The following LIPC variants were observed in gnomAD, a reference collection of about 807,000 sequenced individuals.
LIPC encodes the protein lipase C, hepatic type, also known as hepatic triacylglycerol lipase.
Under a neutral mutation model 50.7 loss-of-function variants are expected in LIPC, and 44 were observed. The observed-to-expected ratio is 0.87, with a 90% CI of 0.68 to 1.11. The LOEUF (loss-of-function observed/expected upper bound fraction) is 1.11. LIPC is among the 50% of genes most tolerant of loss of function. The pLI is 0.00. For missense variants in LIPC, 697 were observed against 648.2 expected (o/e 1.08, Z -0.82); for synonymous variants, 271 against 256.4 (o/e 1.06, Z -0.54).
intron 1 of LIPC, among the ~76,000 whole-genome samples, chr15:58,490,335 A>G (rs1466105941): frequency 6.6e-6 from 1 of 152,188 alleles, no homozygotes; most frequent in Non-Finnish European, 1.5e-5. Context: ...CTGCCAGGAA[A>G]GAAAGAACGT....
At chr15:58,559,729 A>C (rs1894093315) in intron 6 of LIPC, among the ~76,000 whole-genome samples, 2 of 150,472 alleles carry the variant, frequency 1.3e-5, no homozygotes, top group Non-Finnish European at 3.0e-5. Flanking sequence ...AAAAAAACCC[A>C]AAACAAAAAC....
intron 1 of LIPC, among the ~76,000 whole-genome samples, chr15:58,535,509 A>G (rs905239808): frequency 3.3e-5 from 5 of 152,216 alleles, no homozygotes; most frequent in Non-Finnish European, 7.3e-5. Flanking sequence ...GTCTCTCCTG[A>G]ACAGCCTCGA....
intron 6 of LIPC, among the ~76,000 whole-genome samples, chr15:58,559,095 C>T (rs748876111): frequency 9.7e-4 from 147 of 152,272 alleles, no homozygotes; most frequent in African/African-American, 3.1e-3. Context: ...TACCAACCTC[C>T]GGTAGAAATA....
chr15:58,464,153 C>T lies in LIPC; in HGVS notation c.88+32033C>T, dbSNP rs1358497127. 2.6e-5 allele frequency among the ~76,000 whole-genome samples: 4 copies of T among 152,102 alleles called. No individual in the cohort carries two copies. In the East Asian group the frequency reaches 7.7e-4, roughly 29 times the overall value. The stretch of plus-strand genomic sequence containing the variant: ...AAAGGAGCATGCACCTGTCACCCTC[C>T]CAACCCCCTCTATACTTGCCCCTTT... On this transcript the variant is annotated intron_variant, in intron 1 of 8. Transcript: ENST00000299022.
chr15:58,488,899 G>T (rs1405422481), intron 1 of LIPC, among the ~76,000 whole-genome samples: 2 of 152,110 alleles, frequency 1.3e-5, no homozygotes, highest in African/African-American at 4.8e-5. Context: ...TGGGAGTTCT[G>T]GTTTAATCAC....
At chr15:58,487,020 T>G (rs558555582) in intron 1 of LIPC, among the ~76,000 whole-genome samples, 2 of 152,202 alleles carry the variant, frequency 1.3e-5, no homozygotes, top group Non-Finnish European at 2.9e-5. Flanking sequence ...TACCTCACAC[T>G]GTGCTAGGAT....
intron 1 of LIPC, among the ~76,000 whole-genome samples, chr15:58,530,012 G>A (rs1255729026): frequency 2.6e-5 from 4 of 152,262 alleles, no homozygotes; most frequent in African/African-American, 7.2e-5. Context: ...TCCACTTGGT[G>A]TGGTAAAACG....
intron 6 of LIPC, among the ~76,000 whole-genome samples, chr15:58,550,190 C>G (rs1176716444): frequency 6.6e-6 from 1 of 152,078 alleles, no homozygotes; most frequent in Admixed American, 6.5e-5. Flanking sequence ...AAACCTGCCG[C>G]TGGTCTGTTT....
intron 2 of LIPC, among the ~76,000 whole-genome samples, chr15:58,541,434 T>G (rs16940468): frequency 1.1e-3 from 170 of 151,720 alleles, no homozygotes; most frequent in African/African-American, 4.0e-3. Flanking sequence ...CTCCACTGTT[T>G]TAAGGTTTAG....
chr15:58,480,217 C>G (rs1236943285), intron 1 of LIPC, among the ~76,000 whole-genome samples: 6 of 152,164 alleles, frequency 3.9e-5, no homozygotes, highest in Non-Finnish European at 7.4e-5. Flanking sequence ...AAGACCACAC[C>G]AACTAGAAGT....
rs374595326 is a variant in LIPC at position 58,535,259 on chromosome 15, C to T, written c.89-3074C>T. On this transcript the variant is annotated intron_variant, in intron 1 of 8. Transcript: ENST00000299022. Reference sequence around the variant, plus strand: ...TGGGGCTGGGGACTCCTGAAAGGAGCCACATGCTGTCTTTGCCTCCAACTA... The same window carrying T: ...TGGGGCTGGGGACTCCTGAAAGGAGTCACATGCTGTCTTTGCCTCCAACTA... Among the ~76,000 whole-genome samples, 395 of 152,370 alleles carry T rather than the reference C, an allele frequency of 2.6e-3. 3 individuals are homozygous for T. The highest frequency in any genetic ancestry group is 9.0e-3 in the African/African-American group (373 of 41,586).
intron 1 of LIPC, chr15:58,473,967 C>CT (rs1170519468): frequency 1.3e-5 from 2 of 152,252 alleles, no homozygotes; most frequent in African/African-American, 2.4e-5. Flanking sequence ...AACTCCCCAC[C>CT]TTTTTTATTA....
intron 1 of LIPC, among the ~76,000 whole-genome samples, chr15:58,462,449 G>T (rs1424219510): frequency 6.6e-6 from 1 of 152,138 alleles, no homozygotes; most frequent in Non-Finnish European, 1.5e-5. Context: ...GCACCTTTTT[G>T]AAGAGTTGGT....
At chr15:58,478,302 A>T (rs771985428) in intron 1 of LIPC, among the ~76,000 whole-genome samples, 1 of 152,174 alleles carries the variant, frequency 6.6e-6, no homozygotes, top group Non-Finnish European at 1.5e-5. Flanking sequence ...GCAGTGGCAT[A>T]ATCTCGGCTC....
chr15:58,539,318 G>A (rs1351888660), intron 2 of LIPC, among the ~76,000 whole-genome samples: 1 of 152,192 alleles, frequency 6.6e-6, no homozygotes, highest in Admixed American at 6.5e-5. Flanking sequence ...CAGAGCCTCT[G>A]TGAAATTCTC....
chr15:58,482,009 G>A (rs1343834764), intron 1 of LIPC, among the ~76,000 whole-genome samples: 1 of 152,172 alleles, frequency 6.6e-6, no homozygotes, highest in African/African-American at 2.4e-5. Flanking sequence ...AGAGCCTGGG[G>A]TCAGAAGCAG....
chr15:58,513,713 C>A (rs1298582982), intron 1 of LIPC, among the ~76,000 whole-genome samples: 2 of 152,168 alleles, frequency 1.3e-5, no homozygotes, highest in African/African-American at 4.8e-5. Context: ...CACACTGCCT[C>A]AAAGCAACTC....
At chr15:58,480,928 G>A (rs1566923166) in intron 1 of LIPC, among the ~76,000 whole-genome samples, 1 of 152,056 alleles carries the variant, frequency 6.6e-6, no homozygotes, top group Non-Finnish European at 1.5e-5. Flanking sequence ...TCGGAGGCAG[G>A]TCCAGAGACT....
At chr15:58,566,372 A>C in intron 8 of LIPC, 1 of 985,376 alleles carries the variant, frequency 1.0e-6, no homozygotes, top group Non-Finnish European at 1.2e-6. Context: ...TTTTAACTTC[A>C]CTGCTCACAA....
Sources: allele counts gnomAD v4.1 joint callset (sites outside exome capture counted in the v4.1 genomes callset), GRCh38; gene constraint gnomAD v4.1.1; transcripts MANE v1.5; gene names NCBI Gene and HGNC (gene_info 2026-07-23, HGNC 2026-07-21).